Variants in RBFOX1 observed in about 807,000 individuals in gnomAD.
RBFOX1 encodes RNA binding protein fox-1 homolog 1.
In RBFOX1, 8 loss-of-function variants were observed where a neutral mutation model predicts 57.7. The observed-to-expected ratio is 0.14, with a 90% CI of 0.08 to 0.25. RBFOX1 has a LOEUF of 0.25. RBFOX1 is among the 10% of genes least tolerant of loss of function. The pLI, the probability that RBFOX1 is intolerant of heterozygous loss-of-function variation, is 1.00. For missense variants in RBFOX1, 611 were observed against 548.5 expected (o/e 1.11, Z -1.14); for synonymous variants, 326 against 222.4 (o/e 1.47, Z -4.15).
Position 6,277,246 on chromosome 16 carries a change from A to G in RBFOX1, c.-126-39749A>G, listed in dbSNP as rs72776481. Among the ~76,000 whole-genome samples, 931 of 152,016 alleles carry G rather than the reference A, an allele frequency of 6.1e-3. 4 individuals are homozygous for G. Among genetic ancestry groups the G allele is most frequent in the Non-Finnish European group, 0.011 (719 of 67,970 alleles). On this transcript the variant is annotated intron_variant, in intron 1 of 15. Coordinates refer to ENST00000550418, the MANE Select transcript of RBFOX1 (RefSeq NM_018723.4). ...GTGGCCAAGGCAGGCAGATAACTTC[A>G]CCCTAGGAGTTTGAGACCAGCCTGG...
chr16:6,631,405 C>T (rs967628757), intron 2 of RBFOX1, among the ~76,000 whole-genome samples: 1 of 150,790 alleles, frequency 6.6e-6, no homozygotes, highest in Non-Finnish European at 1.5e-5. Context: ...TATTATGAAA[C>T]ATATTTTTTT....
intron 3 of RBFOX1, among the ~76,000 whole-genome samples, chr16:6,822,553 C>G (rs141992627): frequency 2.6e-5 from 4 of 152,328 alleles, no homozygotes; most frequent in African/African-American, 9.6e-5. Context: ...ACATGTCTTG[C>G]CGTGCACAGT....
intron 2 of RBFOX1, among the ~76,000 whole-genome samples, chr16:6,600,896 G>T (rs913547813): frequency 1.3e-5 from 2 of 152,194 alleles, no homozygotes; most frequent in Non-Finnish European, 2.9e-5. Flanking sequence ...CTATGAAAAA[G>T]CCTCTAATAT....
intron 1 of RBFOX1, among the ~76,000 whole-genome samples, chr16:5,305,082 A>G (rs12149180): frequency 0.12 from 18,430 of 152,042 alleles, 1,195 homozygotes; most frequent in Middle Eastern, 0.24. Context: ...TGGGCTTTGC[A>G]AGGGGGTAGA....
intron 4 of RBFOX1, among the ~76,000 whole-genome samples, chr16:7,230,495 GC>G (rs1328503494): frequency 6.6e-6 from 1 of 152,108 alleles, no homozygotes; most frequent in Non-Finnish European, 1.5e-5. Flanking sequence ...TCAGGAAAGG[GC>G]TGACCCATCA....
rs61434992 is a variant in RBFOX1, at chr16:7,494,830, C to CTTTTTTT, written c.28-23304_28-23298dup. ...TTAATATCAGGAACTGTGTTACCTA[C>CTTTTTTT]TTTTTTTTTTTTTTTTTTTGCACTA... On this transcript the variant is annotated intron_variant, in intron 4 of 15. Transcript: ENST00000550418. 8.9e-4 allele frequency among the ~76,000 whole-genome samples: 111 copies of CTTTTTTT among 125,400 alleles called. 10 individuals carry two copies. The highest frequency in any genetic ancestry group is 1.0e-3 in the Non-Finnish European group (64 of 61,242). 82.3% of individuals were successfully genotyped at this position (125,400 alleles called of 152,430 possible).
intron 1 of RBFOX1, chr16:6,037,132 C>A (rs1427697791): frequency 6.6e-6 from 1 of 152,142 alleles, no homozygotes; most frequent in Non-Finnish European, 1.5e-5. Flanking sequence ...GAGTCACAAT[C>A]TCTGTATGTC....
intron 3 of RBFOX1, among the ~76,000 whole-genome samples, chr16:5,685,657 G>A (rs1284635952): frequency 6.6e-6 from 1 of 152,182 alleles, no homozygotes; most frequent in East Asian, 1.9e-4. Context: ...AAGGTGAGCT[G>A]TTGGCTCAAG....
chr16:5,285,766 G>T (rs1356504833), intron 1 of RBFOX1, among the ~76,000 whole-genome samples: 1 of 151,268 alleles, frequency 6.6e-6, no homozygotes, highest in Non-Finnish European at 1.5e-5. Context: ...TTAGACTGCA[G>T]TTTTTTTTTG....
chr16:5,545,028 G>C (rs1287744933), intron 2 of RBFOX1, among the ~76,000 whole-genome samples: 1 of 129,984 alleles, frequency 7.7e-6, no homozygotes, highest in African/African-American at 3.0e-5. Flanking sequence ...CCAGGCTGGA[G>C]TGTAGTGGAG....
At chr16:7,495,453 C>A (rs1475762537) in intron 4 of RBFOX1, among the ~76,000 whole-genome samples, 2 of 152,202 alleles carry the variant, frequency 1.3e-5, no homozygotes, top group Non-Finnish European at 1.5e-5. Context: ...ATCAGCCATC[C>A]TTTTTCTCTG....
intron 7 of RBFOX1, among the ~76,000 whole-genome samples, chr16:7,589,093 T>G (rs1310729984): frequency 6.6e-6 from 1 of 152,200 alleles, no homozygotes; most frequent in Non-Finnish European, 1.5e-5. Flanking sequence ...CAAAGCAAAG[T>G]GCATTGAGAG....
intron 2 of RBFOX1, among the ~76,000 whole-genome samples, chr16:5,559,527 G>A (rs917630780): frequency 1.1e-4 from 17 of 152,274 alleles, no homozygotes; most frequent in African/African-American, 2.4e-4. Context: ...TGTCAGGATC[G>A]GGCCTTGGCC....
chr16:6,000,697 A>T (rs1397137022), intron 4 of RBFOX1, among the ~76,000 whole-genome samples: 1 of 151,304 alleles, frequency 6.6e-6, no homozygotes, highest in African/African-American at 2.4e-5. Context: ...GGATGGGTGG[A>T]TGAGTGGGTT....
intron 2 of RBFOX1, among the ~76,000 whole-genome samples, chr16:6,356,869 C>G (rs565278190): frequency 3.3e-5 from 5 of 152,252 alleles, no homozygotes; most frequent in African/African-American, 9.6e-5. Flanking sequence ...TGGGAACTCT[C>G]TGTACTCTCT....
At position 6,623,163 on chromosome 16, in the gene RBFOX1, T is replaced by C. The variant is rs148837025; in HGVS notation, c.-63-31440T>C. Among the ~76,000 whole-genome samples the C allele has an allele frequency of 2.0e-4, 31 of 152,264 alleles. No individual in the cohort carries two copies. The East Asian group carries it at 6.0e-3, about 29-fold the overall frequency. On this transcript the variant is annotated intron_variant, in intron 2 of 15. Coordinates refer to ENST00000550418, the MANE Select transcript of RBFOX1 (RefSeq NM_018723.4). ...CTCTGCATACCCCATTCCAGAAGCT[T>C]ACATTGTAGTAAGGCAATATCAAAA... is the stretch of plus-strand genomic sequence containing the variant.
intron 1 of RBFOX1, among the ~76,000 whole-genome samples, chr16:5,283,159 CA>C (rs1466988083): frequency 1.3e-5 from 2 of 152,148 alleles, no homozygotes; most frequent in East Asian, 3.9e-4. Context: ...ACAAAGAAGT[CA>C]AAAATTGAGG....
At chr16:6,630,771 A>C (rs1285387812) in intron 2 of RBFOX1, among the ~76,000 whole-genome samples, 3 of 152,118 alleles carry the variant, frequency 2.0e-5, no homozygotes, top group African/African-American at 7.2e-5. Context: ...AGGAGGTTGA[A>C]ATTGTAGTTG....
At chr16:6,757,625 G>T (rs1008015313) in intron 3 of RBFOX1, among the ~76,000 whole-genome samples, 1 of 152,220 alleles carries the variant, frequency 6.6e-6, no homozygotes, top group East Asian at 1.9e-4. Context: ...AGAGTAGAAT[G>T]GTGGTTACCA....
Sources: gnomAD v4.1 joint callset for allele counts (sites outside exome capture counted in the v4.1 genomes callset) on GRCh38, gnomAD v4.1.1 for gene constraint, MANE v1.5 for transcripts, NCBI Gene and HGNC (gene_info 2026-07-23, HGNC 2026-07-21) for gene names.